The following NR5A2 variants were observed in gnomAD, a reference collection of about 807,000 sequenced individuals.
The protein encoded by NR5A2 is nuclear receptor subfamily 5 group A member 2.
A neutral mutation model predicts 62.7 loss-of-function variants in NR5A2; 26 were observed. The observed-to-expected ratio is 0.41, with a 90% confidence interval of 0.30 to 0.58. NR5A2 has a LOEUF of 0.58. NR5A2 is among the 20% of genes least tolerant of loss of function. NR5A2 has a pLI of 0.22. For missense variants in NR5A2, 541 were observed against 669.1 expected (o/e 0.81, Z 2.11); for synonymous variants, 246 against 241.7 (o/e 1.02, Z -0.16).
At chr1:200,123,605 T>C (rs939132528) in intron 7 of NR5A2, among the ~76,000 whole-genome samples, 1 of 152,174 alleles carries the variant, frequency 6.6e-6, no homozygotes, top group Non-Finnish European at 1.5e-5. Flanking sequence ...AATTAGGAAG[T>C]ATAGCAGTGT....
At chr1:200,173,411 T>C (rs984469704) in intron 7 of NR5A2, among the ~76,000 whole-genome samples, 2 of 152,226 alleles carry the variant, frequency 1.3e-5, no homozygotes, top group African/African-American at 4.8e-5. Flanking sequence ...TGGCAGTCAC[T>C]GGAGTGTACC....
intron 7 of NR5A2, among the ~76,000 whole-genome samples, chr1:200,133,528 C>T (rs2816957): frequency 0.49 from 51,558 of 105,872 alleles, 10,005 homozygotes; most frequent in Middle Eastern, 0.6. Flanking sequence ...TATATATATA[C>T]ACACACATAT....
Position 200,039,375 on chromosome 1 carries a change from C to A in NR5A2, c.65-283C>A, listed in dbSNP as rs371936601. ...CTCGGCGGTTCACGGCTCCGCGCCC[C>A]GGGCAGCTGCGTCCTCGCCACCGCC... is the stretch of plus-strand genomic sequence containing the variant. On this transcript the variant is annotated intron_variant, in intron 1 of 7. Coordinates refer to ENST00000367362, the MANE Select transcript of NR5A2 (RefSeq NM_205860.3). The surrounding 1 kb of genome is among the most constrained non-coding windows in gnomAD (Gnocchi z 5.1). 6.6e-6 allele frequency among the ~76,000 whole-genome samples: 1 copy of A among 151,534 alleles called. No homozygotes were observed. Among genetic ancestry groups the A allele is most frequent in the Non-Finnish European group, 1.5e-5 (1 of 67,856 alleles).
intron 7 of NR5A2, among the ~76,000 whole-genome samples, chr1:200,170,908 G>A (rs887562489): frequency 5.9e-5 from 9 of 152,238 alleles, no homozygotes; most frequent in Admixed American, 4.6e-4. Flanking sequence ...AAATTGGCTT[G>A]TGAAATAATT....
intron 5 of NR5A2, among the ~76,000 whole-genome samples, chr1:200,097,492 C>T (rs1328037484): frequency 2.6e-5 from 4 of 152,234 alleles, no homozygotes; most frequent in African/African-American, 7.2e-5. Context: ...TTATCTTTCA[C>T]TTCTCAGCCA....
At chr1:200,156,930 A>G (rs1208992316) in intron 7 of NR5A2, among the ~76,000 whole-genome samples, 1 of 152,152 alleles carries the variant, frequency 6.6e-6, no homozygotes, top group South Asian at 2.1e-4. Context: ...ACATAACCCC[A>G]TCGTAAGTTG....
At chr1:200,122,908 TTTTTACTCTGTAGAAAC>T (rs1199955345) in intron 7 of NR5A2, among the ~76,000 whole-genome samples, 4 of 152,168 alleles carry the variant, frequency 2.6e-5, no homozygotes, top group African/African-American at 9.7e-5. Flanking sequence ...GTGGAAAAAC[TTTTTACTCTGTAGAAAC>T]AGTGGCTAAT....
intron 1 of NR5A2, among the ~76,000 whole-genome samples, chr1:200,035,632 G>T (rs1351186285): frequency 1.3e-5 from 2 of 152,150 alleles, no homozygotes; most frequent in Non-Finnish European, 2.9e-5. Context: ...AATGGGGCGC[G>T]CACGGCCCCG....
At chr1:200,081,767 C>CT (rs3033982) in intron 5 of NR5A2, among the ~76,000 whole-genome samples, 4,144 of 145,022 alleles carry the variant, frequency 0.029, 99 homozygotes, top group African/African-American at 0.072. Context: ...CATAGTCTAC[C>CT]TTTTTTTTTT....
chr1:200,092,533 C>T (rs186238800), intron 5 of NR5A2, among the ~76,000 whole-genome samples: 58 of 152,046 alleles, frequency 3.8e-4, no homozygotes, highest in Non-Finnish European at 1.5e-4. Flanking sequence ...CGCTTCCCTC[C>T]GTGAACTGGT....
Position 200,042,748 on chromosome 1 carries a change from C to T in NR5A2, c.203-1026C>T. ...CGCGCCCCGCGCTCCCATACTTGAC[C>T]TGTGTGGATGTGGAGTCTCCGGGAA... On this transcript the variant is annotated intron_variant, in intron 2 of 7. Transcript: ENST00000367362. 4.2e-6 allele frequency: 4 copies of T among 945,356 alleles called. No homozygotes were observed. In the South Asian group the frequency reaches 2.0e-4, roughly 46 times the overall value. 58.6% of individuals were successfully genotyped at this position (945,356 alleles called of 1,614,324 possible).
intron 7 of NR5A2, among the ~76,000 whole-genome samples, chr1:200,168,352 G>A (rs1447475735): frequency 6.6e-6 from 1 of 151,884 alleles, no homozygotes; most frequent in Non-Finnish European, 1.5e-5. Context: ...TGAGACTACA[G>A]GCACACACCA....
At position 200,088,081 on chromosome 1, in the gene NR5A2, T is replaced by C. The variant is rs1215190550; in HGVS notation, c.1111-23121T>C. ...CTAACATTTTAATTTTGTTTGTTTA[T>C]TGTAATTAGAGATGGAGTCTCACGT... On this transcript the variant is annotated intron_variant, in intron 5 of 7. Transcript: ENST00000367362. Among the ~76,000 whole-genome samples, 6 of 152,152 alleles carry C rather than the reference T, an allele frequency of 3.9e-5. No homozygotes were observed. The East Asian group carries it at 1.2e-3, about 30-fold the overall frequency.
chr1:200,090,652 A>G (rs746325039), intron 5 of NR5A2, among the ~76,000 whole-genome samples: 2 of 152,170 alleles, frequency 1.3e-5, no homozygotes, highest in Admixed American at 6.5e-5. Context: ...TGAATTTTCA[A>G]ATCAGTAAGT....
intron 5 of NR5A2, among the ~76,000 whole-genome samples, chr1:200,056,833 C>A (rs997009405): frequency 5.3e-5 from 8 of 152,132 alleles, no homozygotes; most frequent in Non-Finnish European, 1.0e-4. Context: ...AATAGCGAGG[C>A]ACACCCAAGA....
At chr1:200,027,955 T>C in intron 1 of NR5A2, 44 bp downstream of exon 1, 1 of 1,290,142 alleles carries the variant, frequency 7.8e-7, no homozygotes, top group Non-Finnish European at 1.1e-6. Context: ...ATTCTGCTAC[T>C]ACATACATAT....
At chr1:200,035,111 C>G (rs2737671) in intron 1 of NR5A2, among the ~76,000 whole-genome samples, 24,793 of 151,990 alleles carry the variant, frequency 0.16, 2,265 homozygotes, top group African/African-American at 0.25. Context: ...CTCCCGTAGG[C>G]TGAAAAACTT....
At chr1:200,128,696 G>T (rs562014602) in intron 7 of NR5A2, among the ~76,000 whole-genome samples, 1 of 152,246 alleles carries the variant, frequency 6.6e-6, no homozygotes, top group Non-Finnish European at 1.5e-5. Flanking sequence ...GGCAGGGCAG[G>T]GTGGAGTGGG....
intron 7 of NR5A2, among the ~76,000 whole-genome samples, chr1:200,154,699 GAAAT>G (rs1653295973): frequency 6.6e-6 from 1 of 152,156 alleles, no homozygotes; most frequent in South Asian, 2.1e-4. Flanking sequence ...TAAAAATAAA[GAAAT>G]AAGTAAATTT....
Sources: allele counts gnomAD v4.1 joint callset (sites outside exome capture counted in the v4.1 genomes callset), GRCh38; gene constraint gnomAD v4.1.1; non-coding constraint Gnocchi (gnomAD v3.1); transcripts MANE v1.5; gene names NCBI Gene and HGNC (gene_info 2026-07-23, HGNC 2026-07-21).